The following CDH13 variants were observed in gnomAD, a reference collection of about 807,000 sequenced individuals.
CDH13 encodes the protein cadherin 13.
A neutral mutation model predicts 63.8 loss-of-function variants in CDH13; 24 were observed. The observed-to-expected ratio is 0.38, with a 90% CI of 0.27 to 0.53. The LOEUF (loss-of-function observed/expected upper bound fraction) is 0.53, where lower values mean the gene tolerates loss of function less well. Ranked by LOEUF, CDH13 falls within the 20% of genes least tolerant of loss-of-function variation. The probability of loss-of-function intolerance (pLI) is 0.85; values close to 1 mark genes in which losing one functional copy is unlikely to be tolerated. For synonymous variants in CDH13, 503 were observed against 355.3 expected (o/e 1.42, Z -4.67); for missense variants, 1,049 against 903.1 (o/e 1.16, Z -2.07).
intron 2 of CDH13, among the ~76,000 whole-genome samples, chr16:83,020,174 C>A (rs559894770): frequency 1.3e-5 from 2 of 152,204 alleles, no homozygotes; most frequent in Admixed American, 6.5e-5. Flanking sequence ...TGACGTCATG[C>A]AAATATGAAT....
At chr16:83,116,003 G>C (rs2035276410) in intron 3 of CDH13, among the ~76,000 whole-genome samples, 1 of 152,184 alleles carries the variant, frequency 6.6e-6, no homozygotes, top group African/African-American at 2.4e-5. Flanking sequence ...AGGTGTGCAG[G>C]AAGTAGGATC....
chr16:83,145,525 A>G lies in CDH13; in HGVS notation c.483+20024A>G, dbSNP rs112478289. Among the ~76,000 whole-genome samples, 277 of 152,336 alleles carry G rather than the reference A, an allele frequency of 1.8e-3. 1 individual carries two copies. Among genetic ancestry groups the G allele is most frequent in the African/African-American group, 6.3e-3 (263 of 41,586 alleles). On this transcript the variant is annotated intron_variant, in intron 4 of 13. Transcript: ENST00000567109. ...TTACACTGGCTTAATTGTTCAGCAG[A>G]CACCAAGGACCGTGTCAACACAGTT...
chr16:83,185,954 G>A (rs1008593794), intron 4 of CDH13, among the ~76,000 whole-genome samples: 9 of 151,808 alleles, frequency 5.9e-5, no homozygotes, highest in African/African-American at 2.2e-4. Flanking sequence ...TCCCCTTTTT[G>A]TTTCTGTATT....
intron 2 of CDH13, among the ~76,000 whole-genome samples, chr16:83,000,371 C>T (rs183077513): frequency 1.6e-3 from 235 of 149,280 alleles, no homozygotes; most frequent in African/African-American, 5.5e-3. Context: ...GCCTCAGCCT[C>T]GCGAGTAGCT....
intron 1 of CDH13, among the ~76,000 whole-genome samples, chr16:82,659,229 C>G (rs1911651005): frequency 6.6e-6 from 1 of 152,222 alleles, no homozygotes; most frequent in African/African-American, 2.4e-5. Flanking sequence ...CCCACTATTC[C>G]TCTCTCCCTT....
At chr16:82,945,491 G>A (rs1041803116) in intron 2 of CDH13, among the ~76,000 whole-genome samples, 1 of 152,102 alleles carries the variant, frequency 6.6e-6, no homozygotes, top group Non-Finnish European at 1.5e-5. Context: ...CTGCACCATC[G>A]GTAGTTTCTA....
intron 6 of CDH13, among the ~76,000 whole-genome samples, chr16:83,458,823 T>C (rs950085225): frequency 4.6e-5 from 7 of 152,206 alleles, no homozygotes; most frequent in Non-Finnish European, 8.8e-5. Context: ...GTTGTCTCTT[T>C]CTCTGACTCA....
intron 10 of CDH13, among the ~76,000 whole-genome samples, chr16:83,747,094 A>T (rs1175802508): frequency 6.6e-6 from 1 of 152,198 alleles, no homozygotes; most frequent in African/African-American, 2.4e-5. Context: ...ATATTCAACA[A>T]ATATTTAGTG....
At chr16:83,064,002 G>C (rs916699483) in intron 3 of CDH13, among the ~76,000 whole-genome samples, 2 of 152,146 alleles carry the variant, frequency 1.3e-5, no homozygotes, top group South Asian at 4.1e-4. Context: ...AAGCGGAGAT[G>C]CCAGAAAAAG....
At chr16:83,105,874 A>C (rs2034738683) in intron 3 of CDH13, among the ~76,000 whole-genome samples, 1 of 152,218 alleles carries the variant, frequency 6.6e-6, no homozygotes, top group African/African-American at 2.4e-5. Context: ...GTAGTGAGTC[A>C]GCGAAGATGG....
At chr16:83,342,348 T>C (rs1284339433) in intron 5 of CDH13, among the ~76,000 whole-genome samples, 5 of 152,198 alleles carry the variant, frequency 3.3e-5, no homozygotes, top group Admixed American at 1.3e-4. Flanking sequence ...TCTTTTCTGC[T>C]AACCACTGGA....
chr16:83,573,506 T>C (rs1405642194), intron 7 of CDH13, among the ~76,000 whole-genome samples: 1 of 152,206 alleles, frequency 6.6e-6, no homozygotes, highest in African/African-American at 2.4e-5. Flanking sequence ...TTTGTACCCA[T>C]AGTAGACATC....
At chr16:83,648,060 C>G (rs1281805115) in intron 8 of CDH13, among the ~76,000 whole-genome samples, 1 of 152,104 alleles carries the variant, frequency 6.6e-6, no homozygotes, top group African/African-American at 2.4e-5. Flanking sequence ...TGACTTAGAA[C>G]CTCTTAAATA....
chr16:83,502,616 C>T (rs538741686), intron 7 of CDH13, among the ~76,000 whole-genome samples: 2 of 152,170 alleles, frequency 1.3e-5, no homozygotes, highest in East Asian at 3.8e-4. Flanking sequence ...GTGTTAAATA[C>T]AGTAGCTTTT....
intron 2 of CDH13, among the ~76,000 whole-genome samples, chr16:82,944,003 C>T (rs1904417243): frequency 6.6e-6 from 1 of 152,142 alleles, no homozygotes. Context: ...AGTGAATGCA[C>T]TCAGATAGCC....
Position 82,644,699 on chromosome 16 carries a change from G to T in CDH13, c.45+17562G>T, listed in dbSNP as rs896206625. Among the ~76,000 whole-genome samples the T allele has an allele frequency of 2.6e-5, 4 of 152,128 alleles. No homozygotes were observed. Among genetic ancestry groups the T allele is most frequent in the Admixed American group, 6.5e-5 (1 of 15,284 alleles). On this transcript the variant is annotated intron_variant, in intron 1 of 13. Coordinates refer to ENST00000567109, the MANE Select transcript of CDH13 (RefSeq NM_001257.5). This position sits in a 1 kb window ranked among gnomAD's most constrained non-coding sequence, Gnocchi z 5.7. ...TGAACTGGCTCTGGCTGGGACCCAG[G>T]CTCCCAGGTAGCCAGCTCCCAGGTG... is the stretch of plus-strand genomic sequence containing the variant.
At chr16:83,653,868 G>A (rs978611618) in intron 8 of CDH13, among the ~76,000 whole-genome samples, 20 of 152,154 alleles carry the variant, frequency 1.3e-4, no homozygotes, top group Admixed American at 1.0e-3. Context: ...TAAGAAAGGC[G>A]CTCAGCACGG....
In CDH13 at chr16:83,678,299, G is replaced by T; in HGVS notation, c.1376G>T (p.Ser459Ile). 6.2e-7 allele frequency: 1 copy of T among 1,613,842 alleles called. No homozygotes were observed. The highest frequency in any genetic ancestry group is 2.2e-5 in the East Asian group (1 of 44,888). The part of the protein sequence containing the change: ...PLVPDVSYGP[S>I]STATVHITVL... Reference sequence around the variant, plus strand: ...GTACCCGACGTCTCCTACGGCCCCAGCTCCACAGCCACCGTCCACATCACT... The same window carrying T: ...GTACCCGACGTCTCCTACGGCCCCATCTCCACAGCCACCGTCCACATCACT... The change falls in exon 10 of 14, where the codon AGC becomes ATC. Residue 459 changes from serine (S) to isoleucine (I), a missense_variant. Ser to Ile is a moderately radical substitution (Grantham distance 142). Transcript: ENST00000567109.
chr16:82,758,403 C>G (rs550819798), intron 1 of CDH13, among the ~76,000 whole-genome samples: 3 of 145,412 alleles, frequency 2.1e-5, no homozygotes, highest in Non-Finnish European at 4.5e-5. Context: ...TGTGTCACCA[C>G]CTTGGCCCAG....
Sources: gnomAD v4.1 joint callset for allele counts (sites outside exome capture counted in the v4.1 genomes callset) on GRCh38, gnomAD v4.1.1 for gene constraint, Gnocchi (gnomAD v3.1) non-coding constraint, MANE v1.5 for transcripts, NCBI Gene and HGNC (gene_info 2026-07-23, HGNC 2026-07-21) for gene names.